MYLK2: variants seen among roughly 807,000 people sequenced by gnomAD.
MYLK2 encodes the protein myosin light chain kinase 2, also known as myosin light chain kinase 2, skeletal/cardiac muscle.
Under a neutral mutation model 58.2 loss-of-function variants are expected in MYLK2, and 27 were observed. The observed-to-expected ratio is 0.46, with a 90% CI of 0.34 to 0.64. The LOEUF (loss-of-function observed/expected upper bound fraction) is 0.64, where lower values mean the gene tolerates loss of function less well. MYLK2 is among the 30% of genes least tolerant of loss of function. The probability of loss-of-function intolerance (pLI) is 0.01; values close to 1 mark genes in which losing one functional copy is unlikely to be tolerated. For synonymous variants in MYLK2, 310 were observed against 296.7 expected (o/e 1.04, Z -0.46); for missense variants, 676 against 764.3 (o/e 0.88, Z 1.36).
At position 31,834,124 on chromosome 20, in the gene MYLK2, C is replaced by T. The variant is rs1434967963; in HGVS notation, c.*327C>T. Reference sequence around the variant, plus strand: ...CTCCTCGTCTTTGAACTGCCGCCGCCGTGGTGACCCCTGCTTTGCCCCACT... The same window carrying T: ...CTCCTCGTCTTTGAACTGCCGCCGCTGTGGTGACCCCTGCTTTGCCCCACT... On this transcript the variant is annotated 3_prime_UTR_variant, in exon 13 of 13. Coordinates refer to ENST00000375985, the MANE Select transcript of MYLK2 (RefSeq NM_033118.4). 3.1e-5 allele frequency: 12 copies of T among 388,588 alleles called. No homozygotes were observed. The highest frequency in any genetic ancestry group is 1.5e-4 in the South Asian group (6 of 39,676). 24.1% of individuals were successfully genotyped at this position (388,588 alleles called of 1,614,324 possible). A position where few individuals can be genotyped will look rare whatever the true frequency, so the allele number is the denominator to read the frequency against.
chr20:31,826,001 T>A (rs1008262486), intron 6 of MYLK2, among the ~76,000 whole-genome samples: 1 of 152,054 alleles, frequency 6.6e-6, no homozygotes, highest in Non-Finnish European at 1.5e-5. Flanking sequence ...AAGAGTTGGG[T>A]CGGAGGTGGG....
At position 31,820,367 on chromosome 20, in the gene MYLK2, C is replaced by T. The variant is rs373609417; in HGVS notation, c.294C>T (p.Pro98=). 77 of 1,612,584 alleles carry T rather than the reference C, an allele frequency of 4.8e-5. No individual in the cohort carries two copies. Among genetic ancestry groups the T allele is most frequent in the Non-Finnish European group, 5.7e-5 (67 of 1,179,782 alleles). Residue 98 remains proline (P), a synonymous_variant, in exon 3 of 13, where the codon CCC becomes CCT. Coordinates refer to ENST00000375985, the MANE Select transcript of MYLK2 (RefSeq NM_033118.4). The stretch of plus-strand genomic sequence containing the variant: ...GTGCTGGGCCCCCGGCAGCCCTGCC[C>T]CAGCAGACTGCGACACCTGAGACCA... ...EGSAGPPAAL[P]QQTATPETSV...
chr20:31,831,003 T>G lies in MYLK2; in HGVS notation c.1296-10T>G, dbSNP rs762636459. 6.2e-7 allele frequency: 1 copy of G among 1,614,174 alleles called. No individual in the cohort carries two copies. Among genetic ancestry groups the G allele is most frequent in the South Asian group, 1.1e-5 (1 of 91,088 alleles). ...GGAGCTGTGCTCTCAGCCCTTGGTC[T>G]CACCCCCAGGTATAACCCCAACGAG... On this transcript the variant is annotated splice_polypyrimidine_tract_variant and intron_variant, in intron 9 of 12. Coordinates refer to ENST00000375985, the MANE Select transcript of MYLK2 (RefSeq NM_033118.4).
Position 31,831,042 on chromosome 20 carries a change from A to C in MYLK2, c.1325A>C (p.Asn442Thr), listed in dbSNP as rs1262295922. The change falls in exon 10 of 13, where the codon AAC becomes ACC. Residue 442 changes from asparagine to threonine, a missense_variant. This residue lies in a region of MYLK2 where 370 missense variants were observed against 467.8 expected (regional missense o/e 0.79). Transcript: ENST00000375985. Reference sequence around the variant, plus strand: ...AACCCCAACGAGAAGCTGAAGGTGAACTTTGGGACCCCAGAGTTCCTGTCA... The same window carrying C: ...AACCCCAACGAGAAGCTGAAGGTGACCTTTGGGACCCCAGAGTTCCTGTCA... ...RYNPNEKLKV[N>T]FGTPEFLSPE... 1.2e-6 allele frequency: 2 copies of C among 1,613,966 alleles called. No homozygotes were observed. The highest frequency in any genetic ancestry group is 1.7e-6 in the Non-Finnish European group (2 of 1,180,002).
chr20:31,831,293 C>A (rs1395551208), intron 10 of MYLK2, 152 bp downstream of exon 10: 17 of 1,182,070 alleles, frequency 1.4e-5, no homozygotes, highest in Non-Finnish European at 1.8e-5. Flanking sequence ...CTAGGGAGAA[C>A]AGGAAAGGGG....
rs2062240058 is a variant in MYLK2, at chr20:31,819,393, G to A, written c.-84G>A. 4.0e-6 allele frequency: 3 copies of A among 741,582 alleles called. No individual in the cohort carries two copies. The highest frequency in any genetic ancestry group is 4.1e-5 in the Admixed American group (2 of 48,408). The allele number at this position is 741,582 out of a possible 1,614,324, so 45.9% of individuals were successfully genotyped here. On this transcript the variant is annotated 5_prime_UTR_variant, in exon 1 of 13. Transcript: ENST00000375985. ...GACTGCTCCTGAGCAGCCGCTGGGA[G>A]ACAGACGGCAACCAGGTTGCCCCTC...
intron 10 of MYLK2, 104 bp from the exon 11 acceptor site, chr20:31,831,599 A>G: frequency 1.5e-6 from 2 of 1,367,840 alleles, no homozygotes; most frequent in Non-Finnish European, 2.1e-6. Context: ...TCTTTTCAGC[A>G]CACGGTGCTG....
At chr20:31,827,016 C>T (rs2062283837) in intron 8 of MYLK2, 78 bp downstream of exon 8, 15 of 1,597,606 alleles carry the variant, frequency 9.4e-6, no homozygotes, top group African/African-American at 1.3e-5. Context: ...CCAGCCATCC[C>T]TCTGCCCTCC....
In MYLK2 at chr20:31,820,163, G is replaced by A. The variant is rs2062244294; in HGVS notation, c.90G>A (p.Leu30=). ...APKGPTGERP[L]AAGKDPGPPD... is the part of the protein sequence containing the mutation. ...AAGGTCCCACAGGTGAAAGACCCCT[G>A]GCTGCAGGGAAAGACCCTGGCCCCC... Residue 30 remains leucine (L), a synonymous_variant, in exon 3 of 13, where the codon CTG becomes CTA. Coordinates refer to ENST00000375985, the MANE Select transcript of MYLK2 (RefSeq NM_033118.4). The A allele has an allele frequency of 6.2e-7, 1 of 1,613,930 alleles. No homozygotes were observed. Among genetic ancestry groups the A allele is most frequent in the Admixed American group, 1.7e-5 (1 of 60,026 alleles).
intron 6 of MYLK2, among the ~76,000 whole-genome samples, chr20:31,825,419 C>T (rs1240854255): frequency 3.3e-5 from 5 of 152,198 alleles, no homozygotes; most frequent in Non-Finnish European, 5.9e-5. Flanking sequence ...CTCTGCCATT[C>T]AGTGGGTCAG....
Position 31,820,329 on chromosome 20 carries a change from C to G in MYLK2, c.256C>G (p.Pro86Ala), listed in dbSNP as rs750099922. Residue 86 changes from proline (P) to alanine (A), a missense_variant, in exon 3 of 13, where the codon CCC becomes GCC. Physicochemically the swap from Pro to Ala is conservative, Grantham distance 27. Around this residue, in one of 2 missense-constraint regions of MYLK2, gnomAD observed 306 missense variants for 296.5 expected, o/e 1.03. Transcript: ENST00000375985. ...AGGAGAGGGTGACAGGGGCGGGGGG[C>G]CCGCGGAGGGCAGTGCTGGGCCCCC... ...PKGEGDRGGG[P>A]AEGSAGPPAA... 8 of 1,613,002 alleles carry G rather than the reference C, an allele frequency of 5.0e-6. No individual in the cohort carries two copies. Among genetic ancestry groups the G allele is most frequent in the Non-Finnish European group, 6.8e-6 (8 of 1,179,850 alleles).
intron 10 of MYLK2, among the ~76,000 whole-genome samples, chr20:31,831,375 C>T (rs1568634811): frequency 6.6e-6 from 1 of 152,004 alleles, no homozygotes; most frequent in Non-Finnish European, 1.5e-5. Flanking sequence ...CAGCAGATCT[C>T]GGATGACCTG....
intron 3 of MYLK2, among the ~76,000 whole-genome samples, chr20:31,820,976 G>A (rs117156147): frequency 3.6e-3 from 541 of 152,272 alleles, no homozygotes; most frequent in Middle Eastern, 0.024. Flanking sequence ...ATGAAAAGAT[G>A]ACTAATAACC....
At chr20:31,823,182 C>T (rs1224279271) in intron 4 of MYLK2, among the ~76,000 whole-genome samples, 1 of 152,234 alleles carries the variant, frequency 6.6e-6, no homozygotes, top group Non-Finnish European at 1.5e-5. Context: ...ATGCAGATAG[C>T]TTGGGATGGA....
Position 31,830,802 on chromosome 20 carries a change from A to G in MYLK2, c.1225-17A>G. 6.2e-7 allele frequency: 1 copy of G among 1,611,716 alleles called. No individual in the cohort carries two copies. The highest frequency in any genetic ancestry group is 1.1e-5 in the South Asian group (1 of 90,984). ...AGCTGGTCAGAGGCCCACCCAGGCC[A>G]CCCCCTTTCTCCTCAGCCAGAGAAC... On this transcript the variant is annotated splice_polypyrimidine_tract_variant and intron_variant, in intron 8 of 12. Coordinates refer to ENST00000375985, the MANE Select transcript of MYLK2 (RefSeq NM_033118.4).
In MYLK2 at chr20:31,834,168, G is replaced by C. The variant is rs927560887; in HGVS notation, c.*371G>C. The C allele has an allele frequency of 1.4e-5, 4 of 281,084 alleles. No homozygotes were observed. Among genetic ancestry groups the C allele is most frequent in the Admixed American group, 1.4e-4 (3 of 21,808 alleles). The allele number at this position is 281,084 out of a possible 1,614,324, so 17.4% of individuals were successfully genotyped here. On this transcript the variant is annotated 3_prime_UTR_variant, in exon 13 of 13. Transcript: ENST00000375985. ...CCCCACTGGGAGAGTCCTTAGCCTG[G>C]GCCTCCTCCTAGCTGGAGTGCCATG... is the stretch of plus-strand genomic sequence containing the variant.
At chr20:31,827,102 C>G in intron 8 of MYLK2, 164 bp downstream of exon 8, 11 of 980,534 alleles carry the variant, frequency 1.1e-5, no homozygotes, top group Non-Finnish European at 1.3e-5. Flanking sequence ...TTACCAAGTG[C>G]CAGGAGCCGG....
chr20:31,820,108 G>A lies in MYLK2; in HGVS notation c.53-18G>A. Reference sequence around the variant, plus strand: ...GAAAGGAGGGTGGATCCTGATGGGTGTCTCACCTCCTCTGCAGACAAGGCA... The same window carrying A: ...GAAAGGAGGGTGGATCCTGATGGGTATCTCACCTCCTCTGCAGACAAGGCA... On this transcript the variant is annotated intron_variant, in intron 2 of 12. Transcript: ENST00000375985. 6.2e-7 allele frequency: 1 copy of A among 1,613,332 alleles called. No individual in the cohort carries two copies. The highest frequency in any genetic ancestry group is 8.5e-7 in the Non-Finnish European group (1 of 1,179,980).
At chr20:31,829,308 C>T (rs1181029971) in intron 8 of MYLK2, among the ~76,000 whole-genome samples, 1 of 152,154 alleles carries the variant, frequency 6.6e-6, no homozygotes, top group Non-Finnish European at 1.5e-5. Flanking sequence ...CACCCCAGCC[C>T]ACAGGCCATG....
Sources: gnomAD v4.1 joint callset for allele counts (sites outside exome capture counted in the v4.1 genomes callset) on GRCh38, gnomAD v4.1.1 for gene constraint, gnomAD v4.1.1 regional missense constraint, MANE v1.5 for transcripts, NCBI Gene and HGNC (gene_info 2026-07-23, HGNC 2026-07-21) for gene names.